KHDRBS2: variants seen among roughly 807,000 people sequenced by gnomAD.
KHDRBS2 encodes KH RNA binding domain containing, signal transduction associated 2, also known as KH domain-containing, RNA-binding, signal transduction-associated protein 2.
In KHDRBS2, 26 loss-of-function variants were observed where a neutral mutation model predicts 44.3. The ratio of observed to expected loss-of-function variants is 0.59; its 90% CI spans 0.43 to 0.81. KHDRBS2 has a LOEUF of 0.81. Among genes scored for constraint, KHDRBS2 ranks in the 40% least tolerant of loss-of-function variants. The pLI, the probability that KHDRBS2 is intolerant of heterozygous loss-of-function variation, is 0.00. For synonymous variants in KHDRBS2, 194 were observed against 151.1 expected, an observed-to-expected ratio of 1.28 and a Z score of -2.08; for missense variants, 476 against 433.1, an observed-to-expected ratio of 1.10 and a Z score of -0.88.
At chr6:62,208,595 T>G (rs184985521) in intron 1 of KHDRBS2, among the ~76,000 whole-genome samples, 104 of 152,284 alleles carry the variant, frequency 6.8e-4, no homozygotes, top group African/African-American at 2.4e-3. Context: ...GGGTATATAT[T>G]CAGAAGGGGG....
the KHDRBS2 span, among the ~76,000 whole-genome samples, chr6:61,633,920 T>C: frequency 2.6e-5 from 4 of 152,036 alleles, no homozygotes; most frequent in Admixed American, 6.6e-5. Context: ...TTTTATAAAG[T>C]ACCAAAATAG....
chr6:61,597,759 CAT>C, the KHDRBS2 span, among the ~76,000 whole-genome samples: 2 of 50,112 alleles, frequency 4.0e-5, no homozygotes, highest in Non-Finnish European at 3.9e-5. Context: ...TATATATATA[CAT>C]ATATATATAT....
At chr6:61,935,823 C>T (rs2127370892) in intron 4 of KHDRBS2, among the ~76,000 whole-genome samples, 1 of 152,188 alleles carries the variant, frequency 6.6e-6, no homozygotes. Flanking sequence ...TTCTGCACCA[C>T]ATCTTTATTT....
At chr6:61,721,326 G>A (rs1317939497) in intron 7 of KHDRBS2, among the ~76,000 whole-genome samples, 3 of 152,078 alleles carry the variant, frequency 2.0e-5, no homozygotes, top group African/African-American at 7.2e-5. Flanking sequence ...AAAGTCACTG[G>A]TAGCTTGATG....
chr6:61,732,162 T>TA (rs1774569389), intron 7 of KHDRBS2, among the ~76,000 whole-genome samples: 1 of 152,034 alleles, frequency 6.6e-6, no homozygotes, highest in Admixed American at 6.6e-5. Context: ...TTTGAAGACA[T>TA]AAAAAATCAT....
chr6:62,180,063 C>CA (rs1021033521), intron 1 of KHDRBS2, among the ~76,000 whole-genome samples: 14 of 151,866 alleles, frequency 9.2e-5, no homozygotes, highest in South Asian at 2.1e-4. Context: ...TTTATGACTG[C>CA]ATAGTAAACC....
chr6:61,893,001 C>CA (rs1229129493), intron 6 of KHDRBS2, among the ~76,000 whole-genome samples: 1 of 152,116 alleles, frequency 6.6e-6, no homozygotes, highest in Non-Finnish European at 1.5e-5. Flanking sequence ...ACAACCTACT[C>CA]ATCTGACTAA....
At chr6:61,586,201 A>G in the KHDRBS2 span, among the ~76,000 whole-genome samples, 3 of 152,188 alleles carry the variant, frequency 2.0e-5, no homozygotes, top group African/African-American at 7.2e-5. Flanking sequence ...AATAAAAAAG[A>G]TCCTGCTGAT....
intron 6 of KHDRBS2, among the ~76,000 whole-genome samples, chr6:61,748,735 C>A (rs1777210817): frequency 6.6e-6 from 1 of 151,990 alleles, no homozygotes; most frequent in Admixed American, 6.5e-5. Context: ...TCATTTCTTT[C>A]CAAATTTCGC....
At chr6:61,868,012 C>G (rs1012607285) in intron 6 of KHDRBS2, among the ~76,000 whole-genome samples, 1 of 152,152 alleles carries the variant, frequency 6.6e-6, no homozygotes. Context: ...CCCTTCAGCC[C>G]TGATCAGCTT....
chr6:62,254,846 C>T (rs961743138), intron 1 of KHDRBS2, among the ~76,000 whole-genome samples: 10 of 151,812 alleles, frequency 6.6e-5, no homozygotes, highest in East Asian at 1.9e-4. Flanking sequence ...GAATGGATTA[C>T]GGAGGGATTA....
chr6:61,925,523 C>T (rs1031351956), intron 4 of KHDRBS2, among the ~76,000 whole-genome samples: 31 of 152,010 alleles, frequency 2.0e-4, no homozygotes, highest in Admixed American at 2.0e-3. Flanking sequence ...CAAGGCCAGC[C>T]TCGGCAACGT....
intron 4 of KHDRBS2, among the ~76,000 whole-genome samples, chr6:61,969,828 AATAAAG>A (rs1472732468): frequency 2.0e-5 from 3 of 152,000 alleles, no homozygotes; most frequent in African/African-American, 4.8e-5. Context: ...TTCTGACTTA[AATAAAG>A]ATAAATACTA....
chr6:62,249,142 T>C (rs1458522140), intron 1 of KHDRBS2, among the ~76,000 whole-genome samples: 2 of 152,104 alleles, frequency 1.3e-5, no homozygotes, highest in African/African-American at 2.4e-5. Context: ...ATAAATTCTT[T>C]GAAGTAATTT....
intron 1 of KHDRBS2, among the ~76,000 whole-genome samples, chr6:62,270,480 C>T (rs1412719095): frequency 6.6e-6 from 1 of 151,864 alleles, no homozygotes; most frequent in East Asian, 1.9e-4. Flanking sequence ...CCAAATAAAC[C>T]TATTTTCTTT....
At chr6:61,991,721 G>C (rs1156305835) in intron 3 of KHDRBS2, among the ~76,000 whole-genome samples, 1 of 152,144 alleles carries the variant, frequency 6.6e-6, no homozygotes, top group Non-Finnish European at 1.5e-5. Context: ...ATCAGTTTCC[G>C]GGAGGACATC....
At chr6:62,110,424 A>T (rs1388314163) in intron 2 of KHDRBS2, among the ~76,000 whole-genome samples, 1 of 152,094 alleles carries the variant, frequency 6.6e-6, no homozygotes, top group Non-Finnish European at 1.5e-5. Context: ...GAAAGAAACC[A>T]AACCTGGGAA....
intron 2 of KHDRBS2, among the ~76,000 whole-genome samples, chr6:62,059,148 T>C (rs978970699): frequency 7.2e-6 from 1 of 138,436 alleles, no homozygotes; most frequent in African/African-American, 2.6e-5. Flanking sequence ...GATTAAGTGC[T>C]ATAGAATTCA....
At chr6:61,884,295 C>T (rs1359124747) in intron 6 of KHDRBS2, among the ~76,000 whole-genome samples, 2 of 152,130 alleles carry the variant, frequency 1.3e-5, no homozygotes, top group African/African-American at 2.4e-5. Flanking sequence ...TGTCAAAATG[C>T]TTTTTATACA....
Sources: allele counts gnomAD v4.1 joint callset (sites outside exome capture counted in the v4.1 genomes callset), GRCh38; gene constraint gnomAD v4.1.1; transcripts MANE v1.5; gene names NCBI Gene and HGNC (gene_info 2026-07-23, HGNC 2026-07-21).